CBFA2T3: variants seen among roughly 807,000 people sequenced by gnomAD.
CBFA2T3 encodes the protein CBFA2/RUNX1 partner transcriptional co-repressor 3, also known as transcriptional corepressor CBFA2T3.
In CBFA2T3, 31 loss-of-function variants were observed where a neutral mutation model predicts 58.6. That is an observed-to-expected ratio of 0.53 (90% CI 0.40 to 0.71). The LOEUF (loss-of-function observed/expected upper bound fraction) is 0.71. CBFA2T3 is among the 30% of genes least tolerant of loss of function. CBFA2T3 has a pLI of 0.00. For missense variants in CBFA2T3, 1,076 were observed against 963.1 expected, an observed-to-expected ratio of 1.12 and a Z score of -1.55; for synonymous variants, 531 against 421.9, an observed-to-expected ratio of 1.26 and a Z score of -3.17.
In CBFA2T3 at chr16:88,976,873, C is replaced by T. The variant is rs537839029; in HGVS notation, c.-66G>A. On this transcript the variant is annotated 5_prime_UTR_variant, in exon 1 of 12. Transcript: ENST00000268679. ...AGGCCTCTACCAGGACTGCCTTTCCCGACCTCCTGCAGCCTTGAGGGAAAG... is the reference window on the plus strand; with the variant it reads ...AGGCCTCTACCAGGACTGCCTTTCCTGACCTCCTGCAGCCTTGAGGGAAAG... 15 of 1,494,464 alleles carry T rather than the reference C, an allele frequency of 1.0e-5. No homozygotes were observed. Among genetic ancestry groups the T allele is most frequent in the African/African-American group, 9.7e-5 (7 of 71,856 alleles). The allele number at this position is 1,494,464 out of a possible 1,614,324, so 92.6% of individuals were successfully genotyped here. A position where few individuals can be genotyped will look rare whatever the true frequency, so the allele number is the denominator to read the frequency against.
At chr16:88,945,039 A>G (rs541233742) in intron 1 of CBFA2T3, among the ~76,000 whole-genome samples, 3 of 152,262 alleles carry the variant, frequency 2.0e-5, no homozygotes, top group Admixed American at 6.5e-5. Context: ...TAGACTCTCA[A>G]ACATTTTCTG....
rs911827014 is a variant in CBFA2T3 at position 88,881,561 on chromosome 16, C to G, written c.1204-72G>C. The stretch of plus-strand genomic sequence containing the variant: ...GCACCAGACACTCCCCCAGCCCACT[C>G]GGCCAGAGCCCCGGACAGGATGGGT... On this transcript the variant is annotated intron_variant, in intron 8 of 11. Coordinates refer to ENST00000268679, the MANE Select transcript of CBFA2T3 (RefSeq NM_005187.6). The G allele has an allele frequency of 9.4e-6, 14 of 1,483,602 alleles. No homozygotes were observed. The East Asian group carries it at 1.2e-4, about 12-fold the overall frequency. The allele number at this position is 1,483,602 out of a possible 1,614,324, so 91.9% of individuals were successfully genotyped here. A position where few individuals can be genotyped will look rare whatever the true frequency, so the allele number is the denominator to read the frequency against.
At chr16:88,877,931 G>A (rs1968902276) in intron 11 of CBFA2T3, among the ~76,000 whole-genome samples, 1 of 152,190 alleles carries the variant, frequency 6.6e-6, no homozygotes, top group Admixed American at 6.5e-5. Context: ...CCTGCCCTAG[G>A]GGAGAAGCCC....
intron 2 of CBFA2T3, among the ~76,000 whole-genome samples, chr16:88,900,329 CAG>C (rs1171802312): frequency 6.6e-6 from 1 of 152,266 alleles, no homozygotes; most frequent in Non-Finnish European, 1.5e-5. Context: ...ATCCTACAAA[CAG>C]GGCCGCAAAT....
chr16:88,952,237 A>G (rs1972092482), intron 1 of CBFA2T3, among the ~76,000 whole-genome samples: 1 of 152,198 alleles, frequency 6.6e-6, no homozygotes, highest in African/African-American at 2.4e-5. Flanking sequence ...CGGCACTGAC[A>G]AAGCCGTCTA....
rs370834041 is a variant in CBFA2T3, at chr16:88,893,299, G to GC, written c.380-815dup. Among the ~76,000 whole-genome samples, 490 of 142,190 alleles carry GC rather than the reference G, an allele frequency of 3.4e-3. 3 individuals carry two copies. The highest frequency in any genetic ancestry group is 7.8e-3 in the African/African-American group (293 of 37,570). The allele number at this position is 142,190 out of a possible 152,430, so 93.3% of individuals were successfully genotyped here. Reference sequence around the variant, plus strand: ...GGCGCCTCCCAGCCCTGAGCAATGTGCCCCCCCCGACACACAGGTGCCTCC... The same window carrying GC: ...GGCGCCTCCCAGCCCTGAGCAATGTGCCCCCCCCCGACACACAGGTGCCTCC... On this transcript the variant is annotated intron_variant, in intron 3 of 11. Coordinates refer to ENST00000268679, the MANE Select transcript of CBFA2T3 (RefSeq NM_005187.6).
At chr16:88,882,531 CATGGCTGTGTGCATGGGT>C (rs1969149988) in intron 8 of CBFA2T3, 127 bp downstream of exon 8, 2 of 627,552 alleles carry the variant, frequency 3.2e-6, no homozygotes, top group South Asian at 1.8e-5. Context: ...CTTGTGTGGG[CATGGCTGTGTGCATGGGT>C]GTGGCTGTGT....
Position 88,901,644 on chromosome 16 carries a change from C to T in CBFA2T3, c.164G>A (p.Arg55Lys), listed in dbSNP as rs564249501. The stretch of plus-strand genomic sequence containing the variant: ...CGGCATCGCTGAGGCCTTAGCTTTC[C>T]TGTCCACTGGGGCTGCGACCAACGG... ...PRKGGPAPVD[R>K]KAKASAMPDS... is the part of the protein sequence containing the mutation. Residue 55 changes from arginine to lysine, a missense_variant, in exon 2 of 12, where the codon AGG (arginine) becomes AAG (lysine). Arg to Lys is a conservative substitution (Grantham distance 26, BLOSUM62 2). Transcript: ENST00000268679. The T allele has an allele frequency of 3.6e-5, 55 of 1,531,832 alleles. No homozygotes were observed. The African/African-American group carries it at 3.8e-4, about 10-fold the overall frequency. The allele number at this position is 1,531,832 out of a possible 1,614,324, so 94.9% of individuals were successfully genotyped here. A position where few individuals can be genotyped will look rare whatever the true frequency, so the allele number is the denominator to read the frequency against.
At chr16:88,962,254 T>A (rs1203304801) in intron 1 of CBFA2T3, among the ~76,000 whole-genome samples, 3 of 151,706 alleles carry the variant, frequency 2.0e-5, no homozygotes, top group African/African-American at 7.3e-5. Flanking sequence ...AGCACTCGGC[T>A]TTCCCACTCC....
intron 1 of CBFA2T3, among the ~76,000 whole-genome samples, chr16:88,914,689 C>A (rs1381015048): frequency 6.6e-6 from 1 of 152,204 alleles, no homozygotes; most frequent in East Asian, 1.9e-4. Context: ...CTGCCCTGCA[C>A]CCTGTGGACA....
chr16:88,881,022 C>A (rs956895712), intron 9 of CBFA2T3: 1 of 696,126 alleles, frequency 1.4e-6, no homozygotes, highest in African/African-American at 1.8e-5. Context: ...GTGTCCTGGG[C>A]CTCTCCTGTG....
At chr16:88,904,855 A>G (rs1022194901) in intron 1 of CBFA2T3, among the ~76,000 whole-genome samples, 1 of 152,112 alleles carries the variant, frequency 6.6e-6, no homozygotes, top group Non-Finnish European at 1.5e-5. Context: ...CTTCCTCTGT[A>G]CATGTGGAGG....
At chr16:88,965,036 T>C (rs1376200446) in intron 1 of CBFA2T3, among the ~76,000 whole-genome samples, 7 of 133,284 alleles carry the variant, frequency 5.3e-5, no homozygotes, top group Non-Finnish European at 7.9e-5. Context: ...CCTATGCACT[T>C]CTCCATCCAT....
chr16:88,886,102 G>A lies in CBFA2T3; in HGVS notation c.752C>T (p.Ala251Val). The A allele has an allele frequency of 1.9e-6, 3 of 1,586,688 alleles. No individual in the cohort carries two copies. The highest frequency in any genetic ancestry group is 2.6e-6 in the Non-Finnish European group (3 of 1,174,232). ...PLLQRELLHC[A>V]RLAKQTPAQY... Reference sequence around the variant, plus strand: ...GGCGGGCGTCTGCTTGGCCAGGCGTGCACAGTGCAGGAGCTCCCGCTGCAG... The same window carrying A: ...GGCGGGCGTCTGCTTGGCCAGGCGTACACAGTGCAGGAGCTCCCGCTGCAG... Residue 251 changes from alanine to valine, a missense_variant, in exon 6 of 12, where the codon GCA (alanine) becomes GTA (valine). Transcript: ENST00000268679.
chr16:88,932,509 T>C (rs917840741), intron 1 of CBFA2T3, among the ~76,000 whole-genome samples: 2 of 151,612 alleles, frequency 1.3e-5, no homozygotes, highest in South Asian at 4.2e-4. Context: ...TAGCTGGGCA[T>C]AGTGGTGAAC....
In CBFA2T3 at chr16:88,932,791, C is replaced by CAAAAAAAA. The variant is rs576934029; in HGVS notation, c.152-31143_152-31136dup. On this transcript the variant is annotated intron_variant, in intron 1 of 11. Coordinates refer to ENST00000268679, the MANE Select transcript of CBFA2T3 (RefSeq NM_005187.6). ...GGCAAACCCGTCTCTACTAAAAATACAAAAAAAAAAAAAAAAAAAAAAAAA... is the reference window on the plus strand; with the variant it reads ...GGCAAACCCGTCTCTACTAAAAATACAAAAAAAAAAAAAAAAAAAAAAAAAAAAAAAAA... Among the ~76,000 whole-genome samples, 66 of 27,866 alleles carry CAAAAAAAA rather than the reference C, an allele frequency of 2.4e-3. 1 individual carries two copies. The highest frequency in any genetic ancestry group is 2.6e-3 in the African/African-American group (21 of 7,998). 18.3% of individuals were successfully genotyped at this position (27,866 alleles called of 152,430 possible).
At chr16:88,878,552 C>T (rs1968928516) in intron 11 of CBFA2T3, among the ~76,000 whole-genome samples, 1 of 152,272 alleles carries the variant, frequency 6.6e-6, no homozygotes, top group South Asian at 2.1e-4. Flanking sequence ...CATCGTAATT[C>T]TCAGGCCTGC....
At chr16:88,927,641 C>T (rs956670293) in intron 1 of CBFA2T3, among the ~76,000 whole-genome samples, 1 of 152,176 alleles carries the variant, frequency 6.6e-6, no homozygotes, top group East Asian at 1.9e-4. Context: ...TAGGCTGCAG[C>T]TGTAGGGGGG....
Position 88,882,779 on chromosome 16 carries a change from G to A in CBFA2T3, c.1118-18C>T, listed in dbSNP as rs1287617821. On this transcript the variant is annotated intron_variant, in intron 7 of 11. Transcript: ENST00000268679. ...AGGCACCACTGTGGATGGGGGAGGTGCACGCTTAGGTCCCACCCACAGCCA... is the reference window on the plus strand; with the variant it reads ...AGGCACCACTGTGGATGGGGGAGGTACACGCTTAGGTCCCACCCACAGCCA... 9 of 1,502,522 alleles carry A rather than the reference G, an allele frequency of 6.0e-6. No homozygotes were observed. The highest frequency in any genetic ancestry group is 6.0e-5 in the South Asian group (5 of 83,758). 93.1% of individuals were successfully genotyped at this position (1,502,522 alleles called of 1,614,324 possible). A position where few individuals can be genotyped will look rare whatever the true frequency, so the allele number is the denominator to read the frequency against.
Sources: gnomAD v4.1 joint callset for allele counts (sites outside exome capture counted in the v4.1 genomes callset) on GRCh38, gnomAD v4.1.1 for gene constraint, MANE v1.5 for transcripts, NCBI Gene and HGNC (gene_info 2026-07-23, HGNC 2026-07-21) for gene names.